The following NHSL2 variants were observed in gnomAD, a reference collection of about 807,000 sequenced individuals.
The protein encoded by NHSL2 is NHS like 2.
In NHSL2, 27 loss-of-function variants were observed where a neutral mutation model predicts 53.4. That is an observed-to-expected ratio of 0.51 (90% CI 0.37 to 0.70). The LOEUF is 0.70. NHSL2 is among the 30% of genes least tolerant of loss of function. NHSL2 has a pLI of 0.00. For missense variants in NHSL2, 892 were observed against 980.1 expected, an observed-to-expected ratio of 0.91 and a Z score of 1.20; for synonymous variants, 408 against 404.1, an observed-to-expected ratio of 1.01 and a Z score of -0.12.
intron 6 of NHSL2, among the ~76,000 whole-genome samples, chrX:72,141,910 A>T (rs1175876170): frequency 8.9e-6 from 1 of 111,897 alleles, no homozygotes; most frequent in Non-Finnish European, 1.9e-5. Context: ...GGTGGGAGTC[A>T]CTAGTTTAGA....
intron 7 of NHSL2, among the ~76,000 whole-genome samples, 188 bp from the exon 8 acceptor site, chrX:72,143,065 A>C (rs1283838627): frequency 9.0e-6 from 1 of 111,137 alleles, no homozygotes; most frequent in Non-Finnish European, 1.9e-5. Context: ...GGGGCATTGA[A>C]AGGAATATGG....
chrX:72,146,940 A>T lies in NHSL2; in HGVS notation c.*3366A>T, dbSNP rs1361071782. On this transcript the variant is annotated 3_prime_UTR_variant, in exon 8 of 8. Coordinates refer to ENST00000633930, the MANE Select transcript of NHSL2 (RefSeq NM_001013627.3). Reference sequence around the variant, plus strand: ...GAAGTGAGACAACAGGAAGCAAAATAATTAATGTTAGCTTAATGACCACAA... The same window carrying T: ...GAAGTGAGACAACAGGAAGCAAAATTATTAATGTTAGCTTAATGACCACAA... 9.0e-6 allele frequency: 1 copy of T among 111,696 alleles called. No homozygotes were observed. 9.2% of individuals were successfully genotyped at this position (111,696 alleles called of 1,213,427 possible). A position where few individuals can be genotyped will look rare whatever the true frequency, so the allele number is the denominator to read the frequency against.
In NHSL2 at chrX:72,144,712, A is replaced by T. The variant is rs1443146316; in HGVS notation, c.*1138A>T. The T allele has an allele frequency of 2.8e-5, 2 of 70,971 alleles. No individual in the cohort carries two copies. The highest frequency in any genetic ancestry group is 5.0e-5 in the Non-Finnish European group (2 of 40,018). 5.8% of individuals were successfully genotyped at this position (70,971 alleles called of 1,213,427 possible). On this transcript the variant is annotated 3_prime_UTR_variant, in exon 8 of 8. Coordinates refer to ENST00000633930, the MANE Select transcript of NHSL2 (RefSeq NM_001013627.3). ...TTGCTATGGCCCATAATGCACACAC[A>T]CACACACACACACACACACACACAC...
At chrX:72,097,359 A>G in intron 1 of NHSL2, among the ~76,000 whole-genome samples, 1 of 111,952 alleles carries the variant, frequency 8.9e-6, no homozygotes, top group Non-Finnish European at 1.9e-5. Context: ...ATTCAGGACC[A>G]TGGCTGTCTC....
intron 1 of NHSL2, among the ~76,000 whole-genome samples, chrX:72,048,383 G>A (rs1438411518): frequency 1.8e-5 from 2 of 111,025 alleles, no homozygotes; most frequent in African/African-American, 6.6e-5. Flanking sequence ...TAGAAAAGTT[G>A]AAGGACATGT....
chrX:72,134,393 C>T lies in NHSL2; in HGVS notation c.565-116C>T, dbSNP rs901500539. Reference sequence around the variant, plus strand: ...GGTGCCTGGCCTGGTGGCCTGTCCACGCTTTCCTGCCTCCCAGACGAAGCC... The same window carrying T: ...GGTGCCTGGCCTGGTGGCCTGTCCATGCTTTCCTGCCTCCCAGACGAAGCC... On this transcript the variant is annotated intron_variant, in intron 3 of 7. Transcript: ENST00000633930. 21 of 837,841 alleles carry T rather than the reference C, an allele frequency of 2.5e-5. No homozygotes were observed. In the East Asian group the frequency reaches 3.4e-4, roughly 14 times the overall value. 69.0% of individuals were successfully genotyped at this position (837,841 alleles called of 1,213,427 possible).
intron 1 of NHSL2, among the ~76,000 whole-genome samples, chrX:72,075,736 G>T (rs1214573596): frequency 1.8e-5 from 2 of 111,306 alleles, no homozygotes; most frequent in Non-Finnish European, 3.8e-5. Context: ...ATGAAATCAG[G>T]TGCTGCATGT....
chrX:72,082,637 T>C (rs2041802425), intron 1 of NHSL2, among the ~76,000 whole-genome samples: 1 of 112,316 alleles, frequency 8.9e-6, no homozygotes, highest in African/African-American at 3.2e-5. Flanking sequence ...CTCCAAAGCT[T>C]AGTTGCTTTG....
intron 5 of NHSL2, 50 bp from the exon 6 acceptor site, chrX:72,138,391 G>A: frequency 3.0e-6 from 3 of 1,011,821 alleles, no homozygotes; most frequent in Non-Finnish European, 3.9e-6. Flanking sequence ...AAAACAGCTG[G>A]TGGGAGATCC....
intron 1 of NHSL2, among the ~76,000 whole-genome samples, chrX:71,929,173 A>C (rs1297681602): frequency 8.9e-6 from 1 of 112,331 alleles, no homozygotes; most frequent in African/African-American, 3.2e-5. Context: ...TTTTTTAAGC[A>C]TGAGATAAAA....
rs1008289222 is a variant in NHSL2 at position 72,027,996 on chromosome X, G to GCTGCTGCTGCTGCTGCCA, written c.281-104071_281-104054dup. Among the ~76,000 whole-genome samples, 10 of 111,326 alleles carry GCTGCTGCTGCTGCTGCCA rather than the reference G, an allele frequency of 9.0e-5. No homozygotes were observed. The East Asian group carries it at 1.7e-3, about 19-fold the overall frequency. ...TGAGTTTGCTGCTGCTGCTGCTGCC[G>GCTGCTGCTGCTGCTGCCA]CTGCTGCTGCTGCTGCCACTGCTGC... On this transcript the variant is annotated intron_variant, in intron 1 of 7. Coordinates refer to ENST00000633930, the MANE Select transcript of NHSL2 (RefSeq NM_001013627.3).
chrX:71,954,126 C>A (rs2041832451), intron 1 of NHSL2, among the ~76,000 whole-genome samples: 1 of 112,287 alleles, frequency 8.9e-6, no homozygotes, highest in Non-Finnish European at 1.9e-5. Context: ...CCCTGGCATG[C>A]TAGGAAGGGA....
chrX:71,997,066 T>G (rs768531820), intron 1 of NHSL2, among the ~76,000 whole-genome samples: 1 of 112,542 alleles, frequency 8.9e-6, no homozygotes, highest in Non-Finnish European at 1.9e-5. Flanking sequence ...GAGCTGTTCT[T>G]TGTTCCAATG....
chrX:72,079,745 G>A (rs1247027523), intron 1 of NHSL2: 1 of 112,934 alleles, frequency 8.9e-6, no homozygotes, highest in Non-Finnish European at 1.9e-5. Context: ...TAGACCAGGG[G>A]CGCTGACTCA....
Position 72,147,883 on chromosome X carries a change from A to C in NHSL2, c.*4309A>C. 1 of 112,827 alleles carries C rather than the reference A, an allele frequency of 8.9e-6. No individual in the cohort carries two copies. 9.3% of individuals were successfully genotyped at this position (112,827 alleles called of 1,213,427 possible). On this transcript the variant is annotated 3_prime_UTR_variant, in exon 8 of 8. Transcript: ENST00000633930. The stretch of plus-strand genomic sequence containing the variant: ...GCATTTTAACAAGGGAAAAGCCTTA[A>C]GCCAATGGAATGAAGTTCTACTTGC...
intron 1 of NHSL2, among the ~76,000 whole-genome samples, chrX:72,116,790 G>GGGTGGA (rs2042142649): frequency 9.0e-6 from 1 of 111,155 alleles, no homozygotes; most frequent in Non-Finnish European, 1.9e-5. Flanking sequence ...GACAGCTAGG[G>GGGTGGA]GGTGCTCATG....
At chrX:72,125,838 C>G (rs1386755079) in intron 1 of NHSL2, among the ~76,000 whole-genome samples, 1 of 112,167 alleles carries the variant, frequency 8.9e-6, no homozygotes, top group Non-Finnish European at 1.9e-5. Flanking sequence ...CTGGCTGGTT[C>G]CCCCAGAGCT....
At chrX:72,113,542 C>T (rs922875216) in intron 1 of NHSL2, among the ~76,000 whole-genome samples, 3 of 111,850 alleles carry the variant, frequency 2.7e-5, no homozygotes, top group African/African-American at 6.5e-5. Context: ...AGAACCACAA[C>T]GTCTTGCAAA....
At chrX:72,025,819 T>G (rs188480623) in intron 1 of NHSL2, among the ~76,000 whole-genome samples, 1 of 112,002 alleles carries the variant, frequency 8.9e-6, no homozygotes, top group Admixed American at 9.4e-5. Context: ...GGCATAGTGG[T>G]TGATGGCCAG....
Sources: allele counts gnomAD v4.1 joint callset (sites outside exome capture counted in the v4.1 genomes callset), GRCh38; gene constraint gnomAD v4.1.1; transcripts MANE v1.5; gene names NCBI Gene and HGNC (gene_info 2026-07-23, HGNC 2026-07-21).